Variants in ICA1 observed in about 807,000 individuals in gnomAD.
The protein encoded by ICA1 is islet cell autoantigen 1.
Under a neutral mutation model 71.0 loss-of-function variants are expected in ICA1, and 40 were observed. The observed-to-expected ratio is 0.56, with a 90% confidence interval of 0.44 to 0.73. The LOEUF is 0.73. Among genes scored for constraint, ICA1 ranks in the 30% least tolerant of loss-of-function variants. The probability of loss-of-function intolerance (pLI) is 0.00; values close to 1 mark genes in which losing one functional copy is unlikely to be tolerated. For missense variants in ICA1, 578 were observed against 576.5 expected (o/e 1.00, Z -0.03); for synonymous variants, 207 against 209.5 (o/e 0.99, Z 0.10).
At chr7:8,216,279 G>T (rs1309677808) in intron 6 of ICA1, among the ~76,000 whole-genome samples, 1 of 152,086 alleles carries the variant, frequency 6.6e-6, no homozygotes, top group Admixed American at 6.6e-5. Context: ...CCCCAACATG[G>T]TTTCTGTCCT....
chr7:8,218,147 C>A (rs1363889123), intron 6 of ICA1, among the ~76,000 whole-genome samples, 158 bp downstream of exon 6: 1 of 152,164 alleles, frequency 6.6e-6, no homozygotes, highest in African/African-American at 2.4e-5. Context: ...AATTATGTAT[C>A]ACATTAATTG....
chr7:8,174,769 A>ACAAAAC (rs1428941910), intron 6 of ICA1, among the ~76,000 whole-genome samples: 1 of 103,306 alleles, frequency 9.7e-6, no homozygotes, highest in East Asian at 3.9e-4. Context: ...AAAAAAAAAA[A>ACAAAAC]AAAAAAAAAA....
At chr7:8,262,012 A>G (rs1314586345) in intron 1 of ICA1, 82 bp downstream of exon 1, 1 of 151,956 alleles carries the variant, frequency 6.6e-6, no homozygotes, top group African/African-American at 2.4e-5. Context: ...GGCGTCCCCG[A>G]CCGTCCCGGC....
Position 8,234,297 on chromosome 7 carries a change from GAGTACCC to G in ICA1, c.18-1549_18-1543del, listed in dbSNP as rs997731978. Reference sequence around the variant, plus strand: ...AAATGGAATTGTGTAAAAGTGATTGGAGTACCCCAAATATGGCTGGAAAGTTTGCTGA... The same window carrying G: ...AAATGGAATTGTGTAAAAGTGATTGGCAAATATGGCTGGAAAGTTTGCTGA... On this transcript the variant is annotated intron_variant, in intron 2 of 13. Transcript: ENST00000402384. The surrounding 1 kb of genome is among the most constrained non-coding windows in gnomAD (Gnocchi z 4.5). Among the ~76,000 whole-genome samples, 2 of 152,172 alleles carry G rather than the reference GAGTACCC, an allele frequency of 1.3e-5. No homozygotes were observed. The highest frequency in any genetic ancestry group is 4.8e-5 in the African/African-American group (2 of 41,454).
At chr7:8,188,207 G>A (rs903897877) in intron 6 of ICA1, among the ~76,000 whole-genome samples, 5 of 152,126 alleles carry the variant, frequency 3.3e-5, no homozygotes, top group African/African-American at 1.2e-4. Flanking sequence ...TGCTTTCATA[G>A]AACCAAAATA....
chr7:8,217,584 G>C (rs758016507), intron 6 of ICA1, among the ~76,000 whole-genome samples: 14 of 152,184 alleles, frequency 9.2e-5, no homozygotes, highest in Middle Eastern at 6.8e-3. Context: ...ATATCCAGGC[G>C]ACCAAACAAA....
intron 6 of ICA1, among the ~76,000 whole-genome samples, chr7:8,185,628 T>G (rs1339454359): frequency 6.6e-6 from 1 of 151,958 alleles, no homozygotes; most frequent in Non-Finnish European, 1.5e-5. Context: ...CTGCCTGGAG[T>G]GAAAAGGTTA....
chr7:8,145,749 T>G (rs930762494), intron 8 of ICA1, among the ~76,000 whole-genome samples: 1 of 58,520 alleles, frequency 1.7e-5, no homozygotes, highest in African/African-American at 4.1e-5. Context: ...AATCATTGTG[T>G]ATATATATAT....
At chr7:8,198,833 A>G (rs1788565093) in intron 6 of ICA1, among the ~76,000 whole-genome samples, 1 of 152,228 alleles carries the variant, frequency 6.6e-6, no homozygotes, top group Admixed American at 6.5e-5. Flanking sequence ...ATGGGAGAAA[A>G]TAATGTGCAA....
intron 13 of ICA1, among the ~76,000 whole-genome samples, chr7:8,115,844 T>C (rs904826517): frequency 2.0e-5 from 3 of 152,230 alleles, no homozygotes; most frequent in African/African-American, 4.8e-5. Context: ...TGACCTCTTT[T>C]GACAACTATG....
intron 6 of ICA1, among the ~76,000 whole-genome samples, chr7:8,215,667 A>C (rs1290504457): frequency 7.2e-5 from 11 of 152,228 alleles, no homozygotes; most frequent in Non-Finnish European, 1.5e-5. Flanking sequence ...AAGGAATCCA[A>C]ATAGGGAGAT....
chr7:8,149,205 C>T (rs1562674513), intron 8 of ICA1, among the ~76,000 whole-genome samples: 3 of 152,164 alleles, frequency 2.0e-5, no homozygotes, highest in Admixed American at 1.3e-4. Flanking sequence ...AATCCACGTC[C>T]AGAAATGAAA....
chr7:8,131,216 A>G (rs1791322497), intron 12 of ICA1, among the ~76,000 whole-genome samples: 1 of 152,236 alleles, frequency 6.6e-6, no homozygotes, highest in Admixed American at 6.5e-5. Context: ...TGGAGAGAGA[A>G]TCCTGACAAC....
intron 8 of ICA1, 188 bp downstream of exon 8, chr7:8,156,928 G>A: frequency 7.2e-7 from 1 of 1,398,514 alleles, no homozygotes; most frequent in Non-Finnish European, 9.2e-7. Flanking sequence ...TCCTGATGCA[G>A]TAAAAAAAAA....
At position 8,158,754 on chromosome 7, in the gene ICA1, G is replaced by A; in HGVS notation, c.580-102C>T. On this transcript the variant is annotated intron_variant, in intron 6 of 13. Coordinates refer to ENST00000402384, the MANE Select transcript of ICA1 (RefSeq NM_001136020.3). ...AGCAGGCCTTTTCTCTTTCACATAT[G>A]AAAAGACTTTTGAAAATTCCAGACA... is the stretch of plus-strand genomic sequence containing the variant. 3 of 1,214,980 alleles carry A rather than the reference G, an allele frequency of 2.5e-6. No individual in the cohort carries two copies. The South Asian group carries it at 4.4e-5, about 18-fold the overall frequency. The allele number at this position is 1,214,980 out of a possible 1,614,324, so 75.3% of individuals were successfully genotyped here. A position where few individuals can be genotyped will look rare whatever the true frequency, so the allele number is the denominator to read the frequency against.
chr7:8,250,881 C>T (rs1189692881), intron 1 of ICA1, among the ~76,000 whole-genome samples: 1 of 152,022 alleles, frequency 6.6e-6, no homozygotes, highest in Non-Finnish European at 1.5e-5. Flanking sequence ...GAACTAAAGT[C>T]TTAGGATATT....
rs1358539864 is a variant in ICA1, at chr7:8,228,597, T to A, written c.256+4A>T. ...ATCAATATTCATACTGATGTCATACTTACAACATATCCTCTTTTGATAGAG... is the reference window on the plus strand; with the variant it reads ...ATCAATATTCATACTGATGTCATACATACAACATATCCTCTTTTGATAGAG... On this transcript the variant is annotated splice_donor_region_variant and intron_variant, in intron 4 of 13. Coordinates refer to ENST00000402384, the MANE Select transcript of ICA1 (RefSeq NM_001136020.3). The A allele has an allele frequency of 1.3e-6, 2 of 1,563,654 alleles. No individual in the cohort carries two copies. The highest frequency in any genetic ancestry group is 2.7e-5 in the African/African-American group (2 of 73,614).
chr7:8,115,169 T>C (rs769215496), intron 13 of ICA1, among the ~76,000 whole-genome samples: 39 of 152,244 alleles, frequency 2.6e-4, no homozygotes, highest in Non-Finnish European at 5.4e-4. Context: ...TAGATATTAA[T>C]GTATCTACAT....
At chr7:8,195,410 C>T (rs945780061) in intron 6 of ICA1, among the ~76,000 whole-genome samples, 14 of 151,872 alleles carry the variant, frequency 9.2e-5, no homozygotes, top group South Asian at 2.1e-4. Context: ...GGTGTGGTGG[C>T]GCATGCTGAT....
Sources: gnomAD v4.1 joint callset for allele counts (sites outside exome capture counted in the v4.1 genomes callset) on GRCh38, gnomAD v4.1.1 for gene constraint, Gnocchi (gnomAD v3.1) non-coding constraint, MANE v1.5 for transcripts, NCBI Gene and HGNC (gene_info 2026-07-23, HGNC 2026-07-21) for gene names.